The following PTGER3 variants were observed in gnomAD, a reference collection of about 807,000 sequenced individuals.
The protein encoded by PTGER3 is prostaglandin E receptor 3, also known as prostaglandin E2 receptor EP3 subtype.
PTGER3 carries 22 observed loss-of-function variants against 34.7 expected under a neutral mutation model. That is an observed-to-expected ratio of 0.63 (90% CI 0.45 to 0.91). PTGER3 has a LOEUF of 0.91. PTGER3 is among the 40% of genes least tolerant of loss of function. The pLI, the probability that PTGER3 is intolerant of heterozygous loss-of-function variation, is 0.00. For synonymous variants in PTGER3, 241 were observed against 230.1 expected, an observed-to-expected ratio of 1.05 and a Z score of -0.43; for missense variants, 468 against 519.4, an observed-to-expected ratio of 0.90 and a Z score of 0.96.
intron 4 of PTGER3, among the ~76,000 whole-genome samples, chr1:70,873,815 T>C (rs1186542343): frequency 1.3e-5 from 2 of 152,050 alleles, no homozygotes; most frequent in Non-Finnish European, 1.5e-5. Context: ...GCCTGGCTAA[T>C]TTTTTGTATC....
intron 2 of PTGER3, among the ~76,000 whole-genome samples, chr1:70,959,747 T>C (rs976700154): frequency 5.9e-5 from 9 of 152,142 alleles, no homozygotes; most frequent in Non-Finnish European, 1.2e-4. Context: ...TTCAATTTTT[T>C]AAACACTTTA....
At chr1:70,921,965 A>C (rs1023303525) in intron 4 of PTGER3, among the ~76,000 whole-genome samples, 1 of 152,236 alleles carries the variant, frequency 6.6e-6, no homozygotes, top group African/African-American at 2.4e-5. Flanking sequence ...CATGTGACTT[A>C]AGTAATCTTT....
chr1:70,967,505 A>G (rs1201349355), downstream of PTGER3, among the ~76,000 whole-genome samples: 1 of 152,178 alleles, frequency 6.6e-6, no homozygotes, highest in African/African-American at 2.4e-5. Flanking sequence ...AAAGCTGTCG[A>G]AAATCTAGGA....
intron 4 of PTGER3, among the ~76,000 whole-genome samples, chr1:70,868,636 T>G (rs1211384449): frequency 6.6e-6 from 1 of 152,114 alleles, no homozygotes; most frequent in Non-Finnish European, 1.5e-5. Context: ...AACGAAACTC[T>G]TCGTAGGAAG....
chr1:70,982,543 A>G (rs1654483497), intron 2 of PTGER3, among the ~76,000 whole-genome samples: 1 of 152,158 alleles, frequency 6.6e-6, no homozygotes. Flanking sequence ...ATACATACTC[A>G]GACATCCCAA....
chr1:70,958,075 T>C (rs1156324825), intron 2 of PTGER3, among the ~76,000 whole-genome samples: 1 of 152,220 alleles, frequency 6.6e-6, no homozygotes, highest in Admixed American at 6.5e-5. Flanking sequence ...TTTGTGTGTA[T>C]AACAATTTTT....
chr1:70,862,379 T>G, intron 4 of PTGER3: 1 of 1,366,852 alleles, frequency 7.3e-7, no homozygotes, highest in African/African-American at 1.5e-5. Context: ...TCAGCTTAGC[T>G]GGACACTGCA....
chr1:70,917,460 G>T (rs1572641497), intron 4 of PTGER3, among the ~76,000 whole-genome samples: 1 of 121,090 alleles, frequency 8.3e-6, no homozygotes, highest in African/African-American at 2.7e-5. Flanking sequence ...CAATTCCATA[G>T]AATGGCATTT....
chr1:70,996,639 T>TTTATTTATTTATTTATTTA (rs1553173494), intron 2 of PTGER3, among the ~76,000 whole-genome samples: 23 of 122,746 alleles, frequency 1.9e-4, no homozygotes, highest in African/African-American at 6.6e-4. Flanking sequence ...TTTTTTGTAT[T>TTTATTTATTTATTTATTTA]TTTATTTATT....
At chr1:70,932,711 C>T (rs1225929455) in intron 4 of PTGER3, among the ~76,000 whole-genome samples, 3 of 152,116 alleles carry the variant, frequency 2.0e-5, no homozygotes, top group Non-Finnish European at 2.9e-5. Context: ...TCCCACAACA[C>T]GTGGGAATTA....
At chr1:70,878,246 A>G (rs185292138) in intron 4 of PTGER3, among the ~76,000 whole-genome samples, 69 of 152,096 alleles carry the variant, frequency 4.5e-4, no homozygotes, top group Non-Finnish European at 7.6e-4. Flanking sequence ...TAGATTTTCT[A>G]GTTTGTATGC....
chr1:70,978,864 C>A (rs564084813), intron 2 of PTGER3, among the ~76,000 whole-genome samples: 1 of 152,080 alleles, frequency 6.6e-6, no homozygotes, highest in Non-Finnish European at 1.5e-5. Flanking sequence ...TAATCCAACT[C>A]TTTTATTTAC....
intron 1 of PTGER3, among the ~76,000 whole-genome samples, chr1:71,016,352 T>C (rs1420140576): frequency 6.6e-6 from 1 of 152,200 alleles, no homozygotes; most frequent in Non-Finnish European, 1.5e-5. Flanking sequence ...TCACAAATAG[T>C]ATATATAAGT....
At chr1:71,042,601 A>G (rs1249362748) in intron 1 of PTGER3, among the ~76,000 whole-genome samples, 1 of 152,140 alleles carries the variant, frequency 6.6e-6, no homozygotes, top group Admixed American at 6.6e-5. Context: ...ACTTTCTCTG[A>G]AGCAACATCC....
At chr1:70,986,808 T>C (rs1654966621) in intron 2 of PTGER3, among the ~76,000 whole-genome samples, 1 of 152,112 alleles carries the variant, frequency 6.6e-6, no homozygotes, top group Admixed American at 6.5e-5. Context: ...AAAGACAACA[T>C]TTGCCTCAAA....
chr1:71,044,367 G>A lies in PTGER3; in HGVS notation c.897+2314C>T, dbSNP rs189044539. Among the ~76,000 whole-genome samples, 6 of 150,288 alleles carry A rather than the reference G, an allele frequency of 4.0e-5. No individual in the cohort carries two copies. In the East Asian group the frequency reaches 1.0e-3, roughly 25 times the overall value. On this transcript the variant is annotated intron_variant, in intron 1 of 3. Transcript: ENST00000306666. ...CAGTAGAATCACTTGCACCTGGGAGGTGGAGGCTGCAGAGAGCTGAGATCT... is the reference window on the plus strand; with the variant it reads ...CAGTAGAATCACTTGCACCTGGGAGATGGAGGCTGCAGAGAGCTGAGATCT...
intron 2 of PTGER3, chr1:71,010,521 T>C (rs1447852069): frequency 1.0e-6 from 1 of 984,354 alleles, no homozygotes; most frequent in Admixed American, 6.2e-5. Flanking sequence ...CAAATTCACA[T>C]TGCCTCTGTG....
chr1:70,953,482 G>A (rs949243267), intron 3 of PTGER3, among the ~76,000 whole-genome samples: 2 of 152,142 alleles, frequency 1.3e-5, no homozygotes, highest in African/African-American at 4.8e-5. Flanking sequence ...TGAGGACAAT[G>A]TGCTGCCAAG....
At chr1:71,035,200 T>G (rs1344706825) in intron 1 of PTGER3, among the ~76,000 whole-genome samples, 1 of 152,228 alleles carries the variant, frequency 6.6e-6, no homozygotes, top group African/African-American at 2.4e-5. Context: ...CACACTCTCT[T>G]ATTTTACAAA....
Sources: gnomAD v4.1 joint callset for allele counts (sites outside exome capture counted in the v4.1 genomes callset) on GRCh38, gnomAD v4.1.1 for gene constraint, MANE v1.5 for transcripts, NCBI Gene and HGNC (gene_info 2026-07-23, HGNC 2026-07-21) for gene names.